The following RIMS2 variants were observed in gnomAD, a reference collection of about 807,000 sequenced individuals.
The protein encoded by RIMS2 is regulating synaptic membrane exocytosis protein 2.
Under a neutral mutation model 174.4 loss-of-function variants are expected in RIMS2, and 59 were observed. The observed-to-expected ratio is 0.34, with a 90% CI of 0.27 to 0.42. The LOEUF (loss-of-function observed/expected upper bound fraction) is 0.42, where lower values mean the gene tolerates loss of function less well. RIMS2 is among the 10% of genes least tolerant of loss of function. The pLI, the probability that RIMS2 is intolerant of heterozygous loss-of-function variation, is 1.00. For missense variants in RIMS2, 1,620 were observed against 1,666.3 expected (o/e 0.97, Z 0.48); for synonymous variants, 606 against 572.5 (o/e 1.06, Z -0.84).
intron 1 of RIMS2, among the ~76,000 whole-genome samples, chr8:103,554,977 C>T (rs767694764): frequency 2.6e-5 from 4 of 152,034 alleles, no homozygotes; most frequent in Non-Finnish European, 5.9e-5. Context: ...ATGGGCTAAA[C>T]GTTGAGTACA....
chr8:103,801,108 C>G lies in RIMS2; in HGVS notation c.698+34571C>G, dbSNP rs564514767. On this transcript the variant is annotated intron_variant, in intron 3 of 23. Coordinates refer to ENST00000504942, the Ensembl canonical transcript of RIMS2. ...TTGGCAATTCTCCTGCATCAGCCTC[C>G]CAAGTAGCTGGGACTACAGGTGCAC... Among the ~76,000 whole-genome samples the G allele has an allele frequency of 1.7e-3, 259 of 152,218 alleles. 2 individuals are homozygous for G. The highest frequency in any genetic ancestry group is 5.9e-3 in the African/African-American group (247 of 41,530).
intron 19 of RIMS2, among the ~76,000 whole-genome samples, chr8:104,157,129 G>T (rs979890841): frequency 2.0e-5 from 3 of 151,922 alleles, no homozygotes; most frequent in Non-Finnish European, 2.9e-5. Flanking sequence ...TAAAAATATT[G>T]AATCATGCTA....
intron 19 of RIMS2, 31 bp downstream of exon 24, chr8:104,093,674 A>AAAC: frequency 6.5e-7 from 1 of 1,540,332 alleles, no homozygotes; most frequent in Non-Finnish European, 8.8e-7. Context: ...AACTTCTCTA[A>AAAC]ATATGTTTTA....
At chr8:103,940,935 G>A (rs775481733) in intron 13 of RIMS2, among the ~76,000 whole-genome samples, 4 of 151,290 alleles carry the variant, frequency 2.6e-5, no homozygotes, top group Admixed American at 6.6e-5. Flanking sequence ...GGGTCACACA[G>A]TTGTTAGGAG....
chr8:103,635,061 C>T (rs947037799), intron 1 of RIMS2, among the ~76,000 whole-genome samples: 1 of 151,926 alleles, frequency 6.6e-6, no homozygotes, highest in Non-Finnish European at 1.5e-5. Context: ...TGTCATTGTG[C>T]TGTTGGTTGA....
At chr8:103,594,271 T>C (rs1371381726) in intron 1 of RIMS2, among the ~76,000 whole-genome samples, 1 of 151,656 alleles carries the variant, frequency 6.6e-6, no homozygotes, top group Non-Finnish European at 1.5e-5. Flanking sequence ...TTTATGCTCT[T>C]TGTTGGTAAT....
chr8:103,915,921 C>T (rs2076550321), intron 7 of RIMS2, among the ~76,000 whole-genome samples: 1 of 151,872 alleles, frequency 6.6e-6, no homozygotes, highest in African/African-American at 2.4e-5. Flanking sequence ...AGGCATATTT[C>T]CTACCGTGTG....
intron 19 of RIMS2, among the ~76,000 whole-genome samples, chr8:104,152,821 G>T (rs1052231470): frequency 6.6e-6 from 1 of 151,734 alleles, no homozygotes; most frequent in African/African-American, 2.4e-5. Context: ...TTATTTTCCT[G>T]GTCTCTATGT....
intron 19 of RIMS2, among the ~76,000 whole-genome samples, chr8:104,031,088 A>C (rs566229004): frequency 6.6e-6 from 1 of 152,252 alleles, no homozygotes; most frequent in Non-Finnish European, 1.5e-5. Flanking sequence ...CAATGATACC[A>C]AGCTGTTACT....
intron 1 of RIMS2, among the ~76,000 whole-genome samples, chr8:103,667,446 C>A (rs970840465): frequency 6.6e-6 from 1 of 152,192 alleles, no homozygotes; most frequent in Non-Finnish European, 1.5e-5. Context: ...TGAAGGCCTT[C>A]TGGCAGTTTT....
intron 19 of RIMS2, among the ~76,000 whole-genome samples, chr8:104,213,123 C>G (rs2099112932): frequency 1.3e-5 from 2 of 152,056 alleles, no homozygotes; most frequent in African/African-American, 4.8e-5. Context: ...ACCAGCCTGG[C>G]CAAAATGGTG....
At chr8:103,502,367 A>C (rs2130782948) in intron 1 of RIMS2, among the ~76,000 whole-genome samples, 1 of 152,312 alleles carries the variant, frequency 6.6e-6, no homozygotes, top group South Asian at 2.1e-4. Context: ...TATAGTAGCA[A>C]ACATCAAATA....
intron 2 of RIMS2, among the ~76,000 whole-genome samples, chr8:103,736,967 G>A (rs1252672391): frequency 6.6e-6 from 1 of 152,034 alleles, no homozygotes; most frequent in Non-Finnish European, 1.5e-5. Context: ...AAGAGTGAGA[G>A]AATAGAAGAT....
chr8:104,138,675 T>C (rs1383351432), intron 19 of RIMS2, among the ~76,000 whole-genome samples: 1 of 152,180 alleles, frequency 6.6e-6, no homozygotes, highest in African/African-American at 2.4e-5. Context: ...ATTAATCCCT[T>C]GTCAGACGGG....
intron 16 of RIMS2, among the ~76,000 whole-genome samples, chr8:103,980,276 C>G (rs1317632387): frequency 6.6e-6 from 1 of 152,116 alleles, no homozygotes; most frequent in East Asian, 1.9e-4. Flanking sequence ...GAGGCAGAGT[C>G]AAGAAGCCCC....
chr8:103,919,615 G>A (rs1468819863), intron 9 of RIMS2, among the ~76,000 whole-genome samples: 4 of 152,068 alleles, frequency 2.6e-5, no homozygotes, highest in African/African-American at 9.7e-5. Context: ...TGGTAGCAAT[G>A]AGGATGGTGA....
At chr8:104,123,212 C>T (rs2098399146) in intron 19 of RIMS2, among the ~76,000 whole-genome samples, 1 of 151,920 alleles carries the variant, frequency 6.6e-6, no homozygotes, top group Non-Finnish European at 1.5e-5. Context: ...TGCTAACTTT[C>T]ACTCAGTATG....
exon 21 of RIMS2, chr8:104,248,734 T>C (rs771789805): frequency 1.1e-5 from 17 of 1,612,812 alleles, no homozygotes; most frequent in Non-Finnish European, 1.4e-5. Context: ...TGGCCTCTGA[T>C]AGCCAGTTCA....
In RIMS2 at chr8:103,912,049, T is replaced by C. The variant is rs765472065; in HGVS notation, c.1693-4T>C. 2.6e-6 allele frequency: 4 copies of C among 1,567,532 alleles called. No individual in the cohort carries two copies. In the Admixed American group the frequency reaches 5.3e-5, roughly 21 times the overall value. On this transcript the variant is annotated splice_region_variant and splice_polypyrimidine_tract_variant and intron_variant, in intron 5 of 23. Coordinates refer to ENST00000504942, the Ensembl canonical transcript of RIMS2. ...TTATTTTGTTTGTTGATGCAAAATG[T>C]CAGCACCCTGTAACCTGGCAACCAT...
Sources: gnomAD v4.1 joint callset for allele counts (sites outside exome capture counted in the v4.1 genomes callset) on GRCh38, gnomAD v4.1.1 for gene constraint, MANE v1.5 for transcripts, NCBI Gene and HGNC (gene_info 2026-07-23, HGNC 2026-07-21) for gene names.